Variants in ZDHHC11 observed in about 807,000 individuals in gnomAD.
The protein encoded by ZDHHC11 is zDHHC palmitoyltransferase 11.
ZDHHC11 carries 44 observed loss-of-function variants against 51.3 expected under a neutral mutation model. The ratio of observed to expected loss-of-function variants is 0.86; its 90% CI spans 0.67 to 1.10. ZDHHC11 has a LOEUF of 1.10. ZDHHC11 is among the 50% of genes least tolerant of loss of function. The pLI, the probability that ZDHHC11 is intolerant of heterozygous loss-of-function variation, is 0.00. For missense variants in ZDHHC11, 400 were observed against 537.7 expected (o/e 0.74, Z 2.53); for synonymous variants, 163 against 222.0 (o/e 0.73, Z 2.36).
At chr5:840,709 T>C (rs1744701748) in intron 4 of ZDHHC11, 59 bp from the exon 5 acceptor site, 1 of 1,607,870 alleles carries the variant, frequency 6.2e-7, no homozygotes, top group Non-Finnish European at 8.5e-7. Flanking sequence ...CCACATCAGG[T>C]GGACGTCACA....
Position 850,367 on chromosome 5 carries a change from G to T in ZDHHC11, c.222+14C>A, listed in dbSNP as rs369443534. 1 of 1,612,770 alleles carries T rather than the reference G, an allele frequency of 6.2e-7. No homozygotes were observed. Among genetic ancestry groups the T allele is most frequent in the Non-Finnish European group, 8.5e-7 (1 of 1,179,532 alleles). ...ACCCCTCCCGCTTAGACCATGCCAC[G>T]ATGAAAAGGATACCACGTAGGCAAT... On this transcript the variant is annotated intron_variant, in intron 1 of 12. Coordinates refer to ENST00000283441, the MANE Select transcript of ZDHHC11 (RefSeq NM_024786.3).
chr5:800,897 C>A (rs1378142216), intron 12 of ZDHHC11, among the ~76,000 whole-genome samples: 2 of 151,350 alleles, frequency 1.3e-5, no homozygotes, highest in African/African-American at 4.9e-5. Flanking sequence ...TGAATTGATA[C>A]TCTCACAGCT....
At chr5:807,218 T>C (rs1020910649) in intron 11 of ZDHHC11, among the ~76,000 whole-genome samples, 5 of 148,546 alleles carry the variant, frequency 3.4e-5, no homozygotes, top group African/African-American at 1.2e-4. Context: ...TCCTCAAAGA[T>C]TCCAGATACT....
intron 11 of ZDHHC11, among the ~76,000 whole-genome samples, chr5:810,652 T>C (rs1739972966): frequency 6.6e-6 from 1 of 151,404 alleles, no homozygotes; most frequent in Non-Finnish European, 1.5e-5. Flanking sequence ...GTCTATAAGG[T>C]GGACCAGCTG....
intron 1 of ZDHHC11, among the ~76,000 whole-genome samples, chr5:856,398 ACAC>A (rs1363590924): frequency 2.0e-4 from 31 of 151,508 alleles, no homozygotes; most frequent in African/African-American, 7.5e-4. Context: ...TACCACAGAC[ACAC>A]AACACAAACC....
chr5:798,257 C>T (rs1444911622), intron 12 of ZDHHC11, among the ~76,000 whole-genome samples: 30 of 151,334 alleles, frequency 2.0e-4, no homozygotes, highest in African/African-American at 7.1e-4. Context: ...TTCACAAATG[C>T]CCTCAGGGCA....
At chr5:841,888 C>A (rs1745038534) in intron 4 of ZDHHC11, 2 of 989,756 alleles carry the variant, frequency 2.0e-6, no homozygotes, top group Non-Finnish European at 2.4e-6. Context: ...CGGTGACAGA[C>A]CCTCTCTGGA....
chr5:812,475 A>G (rs539633964), intron 11 of ZDHHC11, among the ~76,000 whole-genome samples: 13 of 151,610 alleles, frequency 8.6e-5, no homozygotes, highest in Non-Finnish European at 1.5e-4. Context: ...GAGAATGACA[A>G]TATGTTCAGT....
In ZDHHC11 at chr5:824,147, G is replaced by A. The variant is rs1280718044; in HGVS notation, c.1023+1017C>T. On this transcript the variant is annotated intron_variant, in intron 8 of 12. Transcript: ENST00000283441. ...TGTAACCTCCAGAAGCTGGCCCCAT[G>A]ACAAAACCTGCTCAAAAGGACCAGC... 3 of 449,688 alleles carry A rather than the reference G, an allele frequency of 6.7e-6. No individual in the cohort carries two copies. The Admixed American group carries it at 7.2e-5, about 11-fold the overall frequency. 27.9% of individuals were successfully genotyped at this position (449,688 alleles called of 1,614,324 possible). A position where few individuals can be genotyped will look rare whatever the true frequency, so the allele number is the denominator to read the frequency against.
intron 2 of ZDHHC11, among the ~76,000 whole-genome samples, 174 bp downstream of exon 2, chr5:848,308 G>A (rs1453371985): frequency 1.0e-5 from 1 of 99,862 alleles, no homozygotes; most frequent in Non-Finnish European, 2.1e-5. Flanking sequence ...ACCGCGCCCG[G>A]TTCACAGCGA....
intron 12 of ZDHHC11, among the ~76,000 whole-genome samples, chr5:797,973 C>A (rs1328550127): frequency 6.6e-6 from 1 of 150,894 alleles, no homozygotes; most frequent in Non-Finnish European, 1.5e-5. Context: ...TGGTCACCCA[C>A]CTCACACAAA....
intron 12 of ZDHHC11, among the ~76,000 whole-genome samples, chr5:800,370 G>GT (rs1421379904): frequency 6.6e-6 from 1 of 150,678 alleles, no homozygotes; most frequent in East Asian, 1.9e-4. Context: ...ACTTCAGGGT[G>GT]TAAAGCAGCT....
intron 5 of ZDHHC11, 124 bp from the exon 6 acceptor site, chr5:837,604 C>A: frequency 1.9e-6 from 2 of 1,051,020 alleles, no homozygotes; most frequent in Non-Finnish European, 2.9e-6. Flanking sequence ...AGAACTGCTC[C>A]GCCCACCATG....
intron 12 of ZDHHC11, among the ~76,000 whole-genome samples, chr5:799,736 GCTT>G (rs1215256830): frequency 3.3e-5 from 5 of 151,682 alleles, no homozygotes; most frequent in African/African-American, 1.2e-4. Flanking sequence ...TCAAGTTGTA[GCTT>G]CTTAAGTTTG....
chr5:833,882 C>T lies in ZDHHC11; in HGVS notation c.901-75G>A, dbSNP rs1182489572. ...GCAGCTGATTCTTACATAAAAGTGA[C>T]GTCTATTATTCCTGGGTTTTGAGGA... On this transcript the variant is annotated intron_variant, in intron 6 of 12. Coordinates refer to ENST00000283441, the MANE Select transcript of ZDHHC11 (RefSeq NM_024786.3). The T allele has an allele frequency of 5.7e-5, 90 of 1,571,740 alleles. 5 individuals are homozygous for T. The highest frequency in any genetic ancestry group is 1.7e-4 in the Middle Eastern group (1 of 6,010).
At chr5:846,885 TG>T (rs1746296520) in intron 3 of ZDHHC11, among the ~76,000 whole-genome samples, 28 of 53,372 alleles carry the variant, frequency 5.2e-4, no homozygotes, top group African/African-American at 3.7e-3. Context: ...CCATCCTCAG[TG>T]GAAACACCTC....
intron 12 of ZDHHC11, among the ~76,000 whole-genome samples, chr5:799,117 G>C (rs1196752126): frequency 6.6e-6 from 1 of 151,984 alleles, no homozygotes; most frequent in Non-Finnish European, 1.5e-5. Context: ...GGGCCTCATA[G>C]GACGTGTTTG....
At chr5:805,138 A>G (rs1234848665) in intron 11 of ZDHHC11, among the ~76,000 whole-genome samples, 1 of 151,556 alleles carries the variant, frequency 6.6e-6, no homozygotes, top group Non-Finnish European at 1.5e-5. Flanking sequence ...GTGTTTGTGT[A>G]CTATTGAAAC....
At chr5:847,804 G>C in intron 2 of ZDHHC11, 189 bp from the exon 3 acceptor site, 1 of 566,592 alleles carries the variant, frequency 1.8e-6, no homozygotes, top group East Asian at 3.2e-5. Flanking sequence ...GAGAAGCAGG[G>C]CAGCTGTGGG....
Sources: gnomAD v4.1 joint callset for allele counts (sites outside exome capture counted in the v4.1 genomes callset) on GRCh38, gnomAD v4.1.1 for gene constraint, MANE v1.5 for transcripts, NCBI Gene and HGNC (gene_info 2026-07-23, HGNC 2026-07-21) for gene names.